ZSCAN5A: variants seen among roughly 807,000 people sequenced by gnomAD.
The protein encoded by ZSCAN5A is zinc finger and SCAN domain containing 5A, also known as zinc finger and SCAN domain-containing protein 5A.
Under a neutral mutation model 23.7 loss-of-function variants are expected in ZSCAN5A, and 12 were observed. The observed-to-expected ratio is 0.51, with a 90% CI of 0.32 to 0.82. The LOEUF is 0.82. ZSCAN5A is among the 40% of genes least tolerant of loss of function. The pLI is 0.03. For synonymous variants in ZSCAN5A, 257 were observed against 239.9 expected, an observed-to-expected ratio of 1.07 and a Z score of -0.66; for missense variants, 597 against 617.9, an observed-to-expected ratio of 0.97 and a Z score of 0.36.
At chr19:56,269,263 A>G (rs2037679397) in intron 2 of ZSCAN5A, among the ~76,000 whole-genome samples, 1 of 152,214 alleles carries the variant, frequency 6.6e-6, no homozygotes, top group African/African-American at 2.4e-5. Flanking sequence ...AAGAGCTCCA[A>G]TTTCTCCACA....
At chr19:56,359,148 G>GA (rs372658767) in intron 2 of ZSCAN5A, among the ~76,000 whole-genome samples, 248 of 145,084 alleles carry the variant, frequency 1.7e-3, no homozygotes, top group South Asian at 0.011. Flanking sequence ...CTGGTTCTTT[G>GA]AAAAAAAAAA....
rs184059218 is a variant in ZSCAN5A, at chr19:56,300,606, C to T, written c.-128+12677G>A. Among the ~76,000 whole-genome samples, 206 of 152,232 alleles carry T rather than the reference C, an allele frequency of 1.4e-3. 3 individuals are homozygous for T. In the South Asian group the frequency reaches 0.027, roughly 20 times the overall value. Reference sequence around the variant, plus strand: ...TAGCTTTGAAAAAGATTAGTGTAAACGTTGAAGAGAGAGAGACTTGCAATG... The same window carrying T: ...TAGCTTTGAAAAAGATTAGTGTAAATGTTGAAGAGAGAGAGACTTGCAATG... On this transcript the variant is annotated intron_variant, in intron 2 of 5. Coordinates refer to ENST00000683990, the MANE Select transcript of ZSCAN5A (RefSeq NM_001322064.3).
chr19:56,270,654 A>T (rs1280489939), intron 2 of ZSCAN5A, among the ~76,000 whole-genome samples: 1 of 152,160 alleles, frequency 6.6e-6, no homozygotes, highest in Non-Finnish European at 1.5e-5. Context: ...ACTCAAAACT[A>T]AATTGTATAA....
At chr19:56,337,468 A>C (rs1035507240) in intron 2 of ZSCAN5A, among the ~76,000 whole-genome samples, 29 of 152,226 alleles carry the variant, frequency 1.9e-4, no homozygotes, top group Non-Finnish European at 3.8e-4. Flanking sequence ...CCGATTTTCC[A>C]GATGCCATCT....
rs781090534 is a variant in ZSCAN5A at position 56,321,811 on chromosome 19, C to T, written c.-357-5543G>A. The T allele has an allele frequency of 2.2e-4, 244 of 1,122,730 alleles. 1 individual carries two copies. The highest frequency in any genetic ancestry group is 5.2e-4 in the Admixed American group (31 of 59,434). The allele number at this position is 1,122,730 out of a possible 1,614,324, so 69.5% of individuals were successfully genotyped here. A position where few individuals can be genotyped will look rare whatever the true frequency, so the allele number is the denominator to read the frequency against. On this transcript the variant is annotated intron_variant, in intron 2 of 6. Coordinates refer to the ZSCAN5A transcript ENST00000587340. ...CTACCCAGTAGTAAGGTAACTGCCACCACTTGTAAACTGGAAGCATGATAG... is the reference window on the plus strand; with the variant it reads ...CTACCCAGTAGTAAGGTAACTGCCATCACTTGTAAACTGGAAGCATGATAG...
chr19:56,247,300 G>T, intron 2 of ZSCAN5A: 1 of 298,962 alleles, frequency 3.3e-6, no homozygotes, highest in South Asian at 4.2e-5. Context: ...CCACACGGGG[G>T]AGAAGCCCTA....
chr19:56,271,670 T>C (rs1352387895), intron 2 of ZSCAN5A, among the ~76,000 whole-genome samples: 1 of 152,192 alleles, frequency 6.6e-6, no homozygotes, highest in African/African-American at 2.4e-5. Flanking sequence ...GCACCAGAGA[T>C]GGCGGCAGGA....
At chr19:56,320,923 T>C in intron 2 of ZSCAN5A, 1 of 756,588 alleles carries the variant, frequency 1.3e-6, no homozygotes, top group Non-Finnish European at 2.5e-6. Flanking sequence ...AAAGCCCAGC[T>C]GTTCTACTTG....
chr19:56,288,821 TCTCTA>T (rs2039317971), intron 2 of ZSCAN5A, among the ~76,000 whole-genome samples: 1 of 152,198 alleles, frequency 6.6e-6, no homozygotes, highest in Non-Finnish European at 1.5e-5. Context: ...TTGATTTCTC[TCTCTA>T]CTCTGCCCCT....
In ZSCAN5A at chr19:56,352,803, GT is replaced by G. The variant is rs1268521987; in HGVS notation, c.-358+10431del. ...CCTTGTTGAAACTGGGTGCAACACA[GT>G]TTCAACACAGATGTCCAAAGTCCAG... is the stretch of plus-strand genomic sequence containing the variant. On this transcript the variant is annotated intron_variant, in intron 2 of 6. Coordinates refer to the ZSCAN5A transcript ENST00000587340. The surrounding 1 kb of genome is among the most constrained non-coding windows in gnomAD (Gnocchi z 4.2). Among the ~76,000 whole-genome samples, 2 of 152,208 alleles carry G rather than the reference GT, an allele frequency of 1.3e-5. No homozygotes were observed. Among genetic ancestry groups the G allele is most frequent in the East Asian group, 3.9e-4 (2 of 5,192 alleles).
At chr19:56,322,892 CTTTTTTT>C (rs397859568) in intron 2 of ZSCAN5A, among the ~76,000 whole-genome samples, 3 of 126,806 alleles carry the variant, frequency 2.4e-5, no homozygotes, top group East Asian at 4.4e-4. Context: ...TTATTGGTTT[CTTTTTTT>C]TTTTTTTTTT....
At chr19:56,293,284 G>C (rs1002151359) in intron 2 of ZSCAN5A, among the ~76,000 whole-genome samples, 1 of 152,180 alleles carries the variant, frequency 6.6e-6, no homozygotes, top group Non-Finnish European at 1.5e-5. Context: ...GTAAGAGAGG[G>C]AGAGTCGCTT....
Position 56,321,875 on chromosome 19 carries a change from T to C in ZSCAN5A, c.-357-5607A>G, listed in dbSNP as rs1299469488. 60 of 808,352 alleles carry C rather than the reference T, an allele frequency of 7.4e-5. No homozygotes were observed. The Admixed American group carries it at 1.0e-3, about 13-fold the overall frequency. 50.1% of individuals were successfully genotyped at this position (808,352 alleles called of 1,614,324 possible). On this transcript the variant is annotated intron_variant, in intron 2 of 6. Coordinates refer to the ZSCAN5A transcript ENST00000587340. ...TAAATGGGGAGAAATTTCTGGCAGG[T>C]TGGCACGCTCATCAAGGGCTTCTGT...
At chr19:56,315,139 T>A (rs796739379), upstream of ZSCAN5A, 1 of 152,192 alleles carries the variant, frequency 6.6e-6, no homozygotes, top group South Asian at 2.1e-4. Context: ...CGCCGAGCCC[T>A]GTAGTTTAGG....
chr19:56,292,219 CAT>C (rs1280182427), intron 2 of ZSCAN5A, among the ~76,000 whole-genome samples: 1 of 152,320 alleles, frequency 6.6e-6, no homozygotes, highest in East Asian at 1.9e-4. Context: ...ATGTGGGTAA[CAT>C]ACATCTTTTA....
chr19:56,278,619 A>G (rs2038444824), intron 2 of ZSCAN5A, among the ~76,000 whole-genome samples: 1 of 152,244 alleles, frequency 6.6e-6, no homozygotes, highest in Admixed American at 6.5e-5. Flanking sequence ...CAAATTTCTT[A>G]GGGGAATTAG....
At chr19:56,291,120 C>T (rs1362112625) in intron 2 of ZSCAN5A, among the ~76,000 whole-genome samples, 1 of 152,136 alleles carries the variant, frequency 6.6e-6, no homozygotes, top group African/African-American at 2.4e-5. Flanking sequence ...CATATCACGT[C>T]CCCGAGCTCA....
chr19:56,251,064 C>T (rs981308281), intron 2 of ZSCAN5A, among the ~76,000 whole-genome samples: 3 of 151,512 alleles, frequency 2.0e-5, no homozygotes, highest in Admixed American at 6.6e-5. Flanking sequence ...GCAGGAGAAT[C>T]GCTTGAACCC....
At chr19:56,261,372 C>A (rs950523736) in intron 2 of ZSCAN5A, among the ~76,000 whole-genome samples, 2 of 152,136 alleles carry the variant, frequency 1.3e-5, no homozygotes, top group Admixed American at 1.3e-4. Context: ...TCTAATCTGC[C>A]TCCATTAATC....
Sources: allele counts gnomAD v4.1 joint callset (sites outside exome capture counted in the v4.1 genomes callset), GRCh38; gene constraint gnomAD v4.1.1; non-coding constraint Gnocchi (gnomAD v3.1); transcripts MANE v1.5; gene names NCBI Gene and HGNC (gene_info 2026-07-23, HGNC 2026-07-21).